Variants in ATP2B2 observed in about 807,000 individuals in gnomAD.
ATP2B2 encodes plasma membrane calcium-transporting ATPase 2.
ATP2B2 carries 15 observed loss-of-function variants against 120.0 expected under a neutral mutation model. The ratio of observed to expected loss-of-function variants is 0.12; its 90% CI spans 0.08 to 0.19. The LOEUF is 0.19. Ranked by LOEUF, ATP2B2 falls within the 10% of genes least tolerant of loss-of-function variation. ATP2B2 has a pLI of 1.00. For missense variants in ATP2B2, 1,045 were observed against 1,719.8 expected, an observed-to-expected ratio of 0.61 and a Z score of 6.94; for synonymous variants, 694 against 700.3, an observed-to-expected ratio of 0.99 and a Z score of 0.14.
intron 3 of ATP2B2, among the ~76,000 whole-genome samples, chr3:10,526,145 T>G (rs1575459662): frequency 6.6e-6 from 1 of 152,228 alleles, no homozygotes; most frequent in Admixed American, 6.5e-5. Context: ...GTGTGAGCCT[T>G]CCTTCTCCTT....
At chr3:10,645,808 T>C (rs899538072) in intron 1 of ATP2B2, among the ~76,000 whole-genome samples, 9 of 152,216 alleles carry the variant, frequency 5.9e-5, no homozygotes, top group Non-Finnish European at 1.3e-4. Flanking sequence ...TTCCCTTTCA[T>C]TCTCAAATGT....
At chr3:10,423,469 T>A (rs1258586711) in intron 2 of ATP2B2, among the ~76,000 whole-genome samples, 1 of 152,230 alleles carries the variant, frequency 6.6e-6, no homozygotes, top group Non-Finnish European at 1.5e-5. Context: ...CTTGCTTGAA[T>A]GGAGCCTTAC....
In ATP2B2 at chr3:10,329,252, G is replaced by A. The variant is rs181659501; in HGVS notation, c.3421-127C>T. 3.8e-3 allele frequency: 3,582 copies of A among 931,434 alleles called. 18 individuals are homozygous for A. Among genetic ancestry groups the A allele is most frequent in the Non-Finnish European group, 5.0e-3 (2,904 of 581,160 alleles). 57.7% of individuals were successfully genotyped at this position (931,434 alleles called of 1,614,324 possible). On this transcript the variant is annotated intron_variant, in intron 22 of 22. Coordinates refer to ENST00000360273, the MANE Select transcript of ATP2B2 (RefSeq NM_001001331.4). This position sits in a 1 kb window ranked among gnomAD's most constrained non-coding sequence, Gnocchi z 5.9. The stretch of plus-strand genomic sequence containing the variant: ...GGTGGCTGGAATCCATAGTCGCTGG[G>A]TGTTATTAGCATTGACAGGATGGGG...
At chr3:10,702,470 A>G (rs1239503733) in intron 1 of ATP2B2, among the ~76,000 whole-genome samples, 2 of 152,196 alleles carry the variant, frequency 1.3e-5, no homozygotes, top group Non-Finnish European at 2.9e-5. Flanking sequence ...ACAGAGCTGA[A>G]GCCACTTACC....
At chr3:10,400,867 G>A in intron 5 of ATP2B2, 86 bp downstream of exon 5, 1 of 1,593,132 alleles carries the variant, frequency 6.3e-7, no homozygotes. Context: ...CAAAGTCTCT[G>A]AGTCCCTTCA....
At chr3:10,560,476 T>G (rs2067878172) in intron 2 of ATP2B2, among the ~76,000 whole-genome samples, 1 of 142,756 alleles carries the variant, frequency 7.0e-6, no homozygotes. Flanking sequence ...AAATGCCCCA[T>G]AGCCCCAGCT....
chr3:10,335,143 G>C (rs2060083230), intron 22 of ATP2B2, among the ~76,000 whole-genome samples: 1 of 152,196 alleles, frequency 6.6e-6, no homozygotes, highest in Non-Finnish European at 1.5e-5. Context: ...GGAGATGAAG[G>C]AGGGGCCACA....
intron 1 of ATP2B2, among the ~76,000 whole-genome samples, chr3:10,665,664 G>C (rs2070910898): frequency 6.6e-6 from 1 of 152,192 alleles, no homozygotes; most frequent in Non-Finnish European, 1.5e-5. Flanking sequence ...TGCATTTGAG[G>C]TTGCTTGGAG....
intron 2 of ATP2B2, among the ~76,000 whole-genome samples, chr3:10,573,151 A>T (rs1404662413): frequency 1.6e-4 from 24 of 146,414 alleles, no homozygotes; most frequent in Admixed American, 3.4e-4. Context: ...AGCCAAATAC[A>T]TTTTTTTTTT....
intron 12 of ATP2B2, among the ~76,000 whole-genome samples, chr3:10,370,596 G>A (rs983083337): frequency 5.9e-5 from 9 of 152,284 alleles, no homozygotes; most frequent in African/African-American, 2.2e-4. Context: ...TGCTGTGGAG[G>A]GTGCAGGAGC....
intron 3 of ATP2B2, among the ~76,000 whole-genome samples, chr3:10,519,531 G>A (rs947546687): frequency 3.9e-5 from 6 of 152,160 alleles, no homozygotes; most frequent in Admixed American, 6.5e-5. Flanking sequence ...GTACGTGAGA[G>A]GCGTTGGAGT....
chr3:10,488,152 C>A lies in ATP2B2; in HGVS notation c.-320+17313G>T, dbSNP rs934923479. 8.8e-5 allele frequency among the ~76,000 whole-genome samples: 13 copies of A among 146,896 alleles called. 1 individual carries two copies. The highest frequency in any genetic ancestry group is 3.0e-4 in the African/African-American group (12 of 40,062). ...ATCCATCCATCCTCCCACCCACCCA[C>A]CTATCCATGCATCCATCCATCTACC... On this transcript the variant is annotated intron_variant, in intron 1 of 22. Transcript: ENST00000360273.
At chr3:10,632,168 C>T (rs781430129) in intron 1 of ATP2B2, among the ~76,000 whole-genome samples, 15 of 152,186 alleles carry the variant, frequency 9.9e-5, no homozygotes, top group South Asian at 4.1e-4. Context: ...GTTTTAAATG[C>T]TAGGAAAATG....
intron 1 of ATP2B2, among the ~76,000 whole-genome samples, chr3:10,472,503 T>A (rs980240703): frequency 1.3e-5 from 2 of 152,176 alleles, no homozygotes; most frequent in Admixed American, 1.3e-4. Flanking sequence ...TGCGGGGCTG[T>A]CCGCCCTCGG....
intron 1 of ATP2B2, among the ~76,000 whole-genome samples, chr3:10,499,575 C>G (rs2066296773): frequency 6.6e-6 from 1 of 152,214 alleles, no homozygotes; most frequent in South Asian, 2.1e-4. Context: ...GTGCTGCTGC[C>G]CCTATTCTCC....
In ATP2B2 at chr3:10,343,762, CCA is replaced by C; in HGVS notation, c.2704-799_2704-798del. On this transcript the variant is annotated intron_variant, in intron 18 of 22. Coordinates refer to ENST00000360273, the MANE Select transcript of ATP2B2 (RefSeq NM_001001331.4). The surrounding 1 kb of genome is among the most constrained non-coding windows in gnomAD (Gnocchi z 4.2). The stretch of plus-strand genomic sequence containing the variant: ...CACGAGTTGCAGGACCTCTTCTCGG[CCA>C]GATGTCACTGACCTCGCCCCTGCAC... 6.6e-6 allele frequency among the ~76,000 whole-genome samples: 1 copy of C among 152,232 alleles called. No homozygotes were observed. Among genetic ancestry groups the C allele is most frequent in the Admixed American group, 6.5e-5 (1 of 15,296 alleles).
At chr3:10,589,631 A>C (rs895921997) in intron 2 of ATP2B2, among the ~76,000 whole-genome samples, 1 of 152,234 alleles carries the variant, frequency 6.6e-6, no homozygotes, top group African/African-American at 2.4e-5. Context: ...TCAGTTTTCC[A>C]AATGGGATCA....
intron 12 of ATP2B2, among the ~76,000 whole-genome samples, chr3:10,364,946 C>T (rs1411238599): frequency 6.6e-6 from 1 of 152,242 alleles, no homozygotes; most frequent in Non-Finnish European, 1.5e-5. Context: ...TGTAGCCATG[C>T]CCGTTTCCCC....
In ATP2B2 at chr3:10,449,544, G is replaced by A; in HGVS notation, c.-1C>T. 1.2e-6 allele frequency: 2 copies of A among 1,614,240 alleles called. No homozygotes were observed. Among genetic ancestry groups the A allele is most frequent in the Non-Finnish European group, 1.7e-6 (2 of 1,180,050 alleles). On this transcript the variant is annotated 5_prime_UTR_variant, in exon 2 of 23. Transcript: ENST00000360273. ...AGTCGCTGTTGGTCATGTCACCCAT[G>A]TTTGCTGCGGTCCTTGCTCGGGCTG... is the stretch of plus-strand genomic sequence containing the variant.
Sources: gnomAD v4.1 joint callset for allele counts (sites outside exome capture counted in the v4.1 genomes callset) on GRCh38, gnomAD v4.1.1 for gene constraint, Gnocchi (gnomAD v3.1) non-coding constraint, MANE v1.5 for transcripts, NCBI Gene and HGNC (gene_info 2026-07-23, HGNC 2026-07-21) for gene names.